Variants in STAM2 observed in about 807,000 individuals in gnomAD.
STAM2 encodes the protein signal transducing adapter molecule 2.
A neutral mutation model predicts 65.6 loss-of-function variants in STAM2; 51 were observed. The observed-to-expected ratio is 0.78, with a 90% CI of 0.62 to 0.98. The LOEUF is 0.98. Ranked by LOEUF, STAM2 falls within the 50% of genes least tolerant of loss-of-function variation. The pLI, the probability that STAM2 is intolerant of heterozygous loss-of-function variation, is 0.00. For synonymous variants in STAM2, 198 were observed against 208.4 expected, an observed-to-expected ratio of 0.95 and a Z score of 0.43; for missense variants, 584 against 617.8, an observed-to-expected ratio of 0.95 and a Z score of 0.58.
At chr2:152,161,097 C>T (rs1689664535) in intron 1 of STAM2, among the ~76,000 whole-genome samples, 1 of 152,130 alleles carries the variant, frequency 6.6e-6, no homozygotes, top group Admixed American at 6.5e-5. Flanking sequence ...CGGATGGTTG[C>T]CGTGTCTGTG....
intron 5 of STAM2, among the ~76,000 whole-genome samples, chr2:152,146,881 A>G (rs1689344659): frequency 6.6e-6 from 1 of 152,238 alleles, no homozygotes; most frequent in South Asian, 2.1e-4. Flanking sequence ...TTTCTTGAAT[A>G]TAAGGGGTAT....
intron 1 of STAM2, among the ~76,000 whole-genome samples, chr2:152,153,387 A>G (rs1689482875): frequency 6.6e-6 from 1 of 151,784 alleles, no homozygotes; most frequent in African/African-American, 2.4e-5. Flanking sequence ...TTTTTTTAAT[A>G]GCAAGGAATA....
chr2:152,160,789 C>T lies in STAM2; in HGVS notation c.41-10560G>A, dbSNP rs558361966. Among the ~76,000 whole-genome samples, 490 of 149,720 alleles carry T rather than the reference C, an allele frequency of 3.3e-3. 3 individuals carry two copies. The highest frequency in any genetic ancestry group is 5.0e-3 in the Non-Finnish European group (334 of 67,172). Reference sequence around the variant, plus strand: ...GCCCCTACCGGGAAGTGAGGAGCCCCTCTGCCCGGCCAGCCGCCCCGTCCG... The same window carrying T: ...GCCCCTACCGGGAAGTGAGGAGCCCTTCTGCCCGGCCAGCCGCCCCGTCCG... On this transcript the variant is annotated intron_variant, in intron 1 of 13. Coordinates refer to ENST00000263904, the MANE Select transcript of STAM2 (RefSeq NM_005843.6).
chr2:152,118,768 G>T lies in STAM2; in HGVS notation c.*1806C>A, dbSNP rs921095506. 4 of 151,728 alleles carry T rather than the reference G, an allele frequency of 2.6e-5. No homozygotes were observed. The highest frequency in any genetic ancestry group is 9.7e-5 in the African/African-American group (4 of 41,332). 9.4% of individuals were successfully genotyped at this position (151,728 alleles called of 1,614,324 possible). The stretch of plus-strand genomic sequence containing the variant: ...AGAAGATTTGTTTCCAAAAAGTAAG[G>T]TGCCATTCAGAAGTATATAATTGAA... On this transcript the variant is annotated 3_prime_UTR_variant, in exon 14 of 14. Transcript: ENST00000263904.
At chr2:152,154,079 T>C (rs1002652660) in intron 1 of STAM2, among the ~76,000 whole-genome samples, 15 of 152,200 alleles carry the variant, frequency 9.9e-5, no homozygotes, top group African/African-American at 3.6e-4. Context: ...AAGCTTTAGA[T>C]ACACTAGCCA....
chr2:152,122,297 C>T (rs934715817), intron 13 of STAM2, among the ~76,000 whole-genome samples: 4 of 151,748 alleles, frequency 2.6e-5, no homozygotes, highest in African/African-American at 7.3e-5. Context: ...GTGTAGTATG[C>T]GCCTGTGGTC....
intron 11 of STAM2, among the ~76,000 whole-genome samples, chr2:152,131,232 A>T (rs2105533919): frequency 6.6e-6 from 1 of 152,118 alleles, no homozygotes; most frequent in African/African-American, 2.4e-5. Flanking sequence ...AGTTGGGCAG[A>T]TTACAAGGTC....
chr2:152,154,827 C>A (rs577999757), intron 1 of STAM2, among the ~76,000 whole-genome samples: 4 of 152,164 alleles, frequency 2.6e-5, no homozygotes, highest in Non-Finnish European at 5.9e-5. Context: ...TTAGTACCTG[C>A]ATAATGTACC....
At position 152,160,652 on chromosome 2, in the gene STAM2, G is replaced by A. The variant is rs1176554918; in HGVS notation, c.41-10423C>T. On this transcript the variant is annotated intron_variant, in intron 1 of 13. Transcript: ENST00000263904. ...AGCCGCCCCGTCCGGGAGGGCGGTG[G>A]GGGTCAGCCCCCCGCCCGGCCAGCC... 6.0e-5 allele frequency among the ~76,000 whole-genome samples: 9 copies of A among 150,780 alleles called. No individual in the cohort carries two copies. The East Asian group carries it at 1.6e-3, about 27-fold the overall frequency.
chr2:152,124,092 G>A (rs1688911015), intron 12 of STAM2, 157 bp from the exon 13 acceptor site: 1 of 619,322 alleles, frequency 1.6e-6, no homozygotes, highest in Non-Finnish European at 2.7e-6. Flanking sequence ...AAAGTGGAGA[G>A]CTGTCAAATC....
chr2:152,124,058 A>G, intron 12 of STAM2, 123 bp from the exon 13 acceptor site: 1 of 785,786 alleles, frequency 1.3e-6, no homozygotes, highest in South Asian at 2.0e-5. Flanking sequence ...ATCTGATTCT[A>G]CCAATCTATC....
chr2:152,152,465 C>T (rs879560348), intron 1 of STAM2, among the ~76,000 whole-genome samples: 29 of 151,874 alleles, frequency 1.9e-4, no homozygotes, highest in Non-Finnish European at 3.8e-4. Context: ...AGGAGAATGG[C>T]GTGAACCCGG....
At chr2:152,163,170 C>G (rs907373436) in intron 1 of STAM2, among the ~76,000 whole-genome samples, 1 of 152,076 alleles carries the variant, frequency 6.6e-6, no homozygotes, top group African/African-American at 2.4e-5. Context: ...AGTCAGGGAC[C>G]CAGAACGAAT....
intron 1 of STAM2, among the ~76,000 whole-genome samples, chr2:152,166,750 A>C (rs1689794306): frequency 6.6e-6 from 1 of 152,228 alleles, no homozygotes; most frequent in Admixed American, 6.5e-5. Context: ...AACACTGCAC[A>C]TGCTAGATTT....
intron 1 of STAM2, among the ~76,000 whole-genome samples, chr2:152,161,123 A>G (rs1185974622): frequency 1.3e-5 from 2 of 152,118 alleles, no homozygotes; most frequent in African/African-American, 4.8e-5. Flanking sequence ...AGAGGTAGAC[A>G]TGGGAGACTT....
intron 2 of STAM2, among the ~76,000 whole-genome samples, 194 bp downstream of exon 2, chr2:152,149,951 G>A (rs936332715): frequency 3.3e-5 from 5 of 152,152 alleles, no homozygotes; most frequent in Non-Finnish European, 7.3e-5. Flanking sequence ...GGAGGAAGAG[G>A]GGTTGGTCTT....
At chr2:152,122,704 G>A (rs185437544) in intron 13 of STAM2, among the ~76,000 whole-genome samples, 7 of 152,094 alleles carry the variant, frequency 4.6e-5, no homozygotes, top group African/African-American at 1.7e-4. Context: ...ATTTTGTATG[G>A]TTAAGCAAAA....
At chr2:152,168,619 C>A (rs1417302610) in intron 1 of STAM2, among the ~76,000 whole-genome samples, 2 of 152,150 alleles carry the variant, frequency 1.3e-5, no homozygotes, top group African/African-American at 4.8e-5. Context: ...ATAAGCTTAT[C>A]ATTAAATGTT....
chr2:152,124,011 G>C (rs1688909738), intron 12 of STAM2, 76 bp from the exon 13 acceptor site: 2 of 1,241,726 alleles, frequency 1.6e-6, no homozygotes, highest in Admixed American at 4.4e-5. Flanking sequence ...AATGTTAAAA[G>C]ACTTAAAGGA....
Sources: allele counts gnomAD v4.1 joint callset (sites outside exome capture counted in the v4.1 genomes callset), GRCh38; gene constraint gnomAD v4.1.1; transcripts MANE v1.5; gene names NCBI Gene and HGNC (gene_info 2026-07-23, HGNC 2026-07-21).